CEP128: variants seen among roughly 807,000 people sequenced by gnomAD.
The protein encoded by CEP128 is centrosomal protein 128, also known as centrosomal protein 128kDa.
CEP128 carries 132 observed loss-of-function variants against 156.7 expected under a neutral mutation model. The ratio of observed to expected loss-of-function variants is 0.84; its 90% CI spans 0.73 to 0.97. CEP128 has a LOEUF of 0.97. CEP128 is among the 50% of genes least tolerant of loss of function. The pLI is 0.00. For synonymous variants in CEP128, 469 were observed against 448.9 expected (o/e 1.04, Z -0.57); for missense variants, 1,252 against 1,281.9 (o/e 0.98, Z 0.36).
chr14:80,820,756 T>C (rs1475145151), intron 13 of CEP128, among the ~76,000 whole-genome samples: 16 of 152,208 alleles, frequency 1.1e-4, no homozygotes, highest in Non-Finnish European at 2.9e-5. Context: ...CAGTATAAGG[T>C]TTACACTACA....
intron 16 of CEP128, among the ~76,000 whole-genome samples, chr14:80,769,891 CA>C (rs1161806667): frequency 6.6e-6 from 1 of 152,028 alleles, no homozygotes; most frequent in African/African-American, 2.4e-5. Context: ...TAGGGTCAAC[CA>C]AAGCCAGCTA....
rs2140159740 is a variant in CEP128 at position 80,862,749 on chromosome 14, T to C, written c.762+8A>G. ...GATTTACATTCCATGAAAGTGTTTT[T>C]CACAAACCTCCTGTAGCTGCAGGGA... On this transcript the variant is annotated splice_region_variant and intron_variant, in intron 9 of 24. Transcript: ENST00000555265. 1 of 1,577,076 alleles carries C rather than the reference T, an allele frequency of 6.3e-7. No individual in the cohort carries two copies.
intron 23 of CEP128, among the ~76,000 whole-genome samples, chr14:80,510,847 T>G (rs1028379953): frequency 6.6e-6 from 1 of 152,076 alleles, no homozygotes; most frequent in African/African-American, 2.4e-5. Flanking sequence ...CAAATGCTTT[T>G]TCAATATCAA....
chr14:80,931,818 A>C (rs1167354115), intron 2 of CEP128, among the ~76,000 whole-genome samples: 1 of 152,248 alleles, frequency 6.6e-6, no homozygotes, highest in Non-Finnish European at 1.5e-5. Flanking sequence ...ATATTAGCAG[A>C]GATTTTGAAA....
chr14:80,781,841 G>T (rs1901137456), intron 15 of CEP128, among the ~76,000 whole-genome samples: 1 of 152,154 alleles, frequency 6.6e-6, no homozygotes, highest in South Asian at 2.1e-4. Context: ...GAGAATTATG[G>T]CCTTACAGAG....
At chr14:80,558,552 T>C (rs1890536166) in intron 21 of CEP128, among the ~76,000 whole-genome samples, 1 of 152,082 alleles carries the variant, frequency 6.6e-6, no homozygotes, top group African/African-American at 2.4e-5. Flanking sequence ...CCTCCCAAAG[T>C]GCTGGGATTA....
At chr14:80,883,208 A>T (rs897423951) in intron 8 of CEP128, among the ~76,000 whole-genome samples, 6 of 152,218 alleles carry the variant, frequency 3.9e-5, no homozygotes, top group African/African-American at 4.8e-5. Context: ...TAAATAAAAA[A>T]TTTTTTAAAA....
At chr14:80,574,900 T>A (rs1891292843) in intron 20 of CEP128, among the ~76,000 whole-genome samples, 1 of 152,020 alleles carries the variant, frequency 6.6e-6, no homozygotes, top group Non-Finnish European at 1.5e-5. Context: ...ACCCTTCAAC[T>A]GGGAGATTCC....
At chr14:80,679,250 C>T (rs1238030502) in intron 19 of CEP128, among the ~76,000 whole-genome samples, 2 of 152,190 alleles carry the variant, frequency 1.3e-5, no homozygotes, top group Admixed American at 1.3e-4. Context: ...CAAGGGAAGA[C>T]AACCATAAGG....
At chr14:80,580,985 A>T (rs899580830) in intron 19 of CEP128, among the ~76,000 whole-genome samples, 4 of 152,244 alleles carry the variant, frequency 2.6e-5, no homozygotes, top group African/African-American at 9.6e-5. Context: ...AGAGGGTGGG[A>T]TGCATTGAAG....
chr14:80,671,831 T>C (rs1595187399), intron 19 of CEP128, among the ~76,000 whole-genome samples: 2 of 138,978 alleles, frequency 1.4e-5, no homozygotes, highest in South Asian at 2.2e-4. Flanking sequence ...TGTCTATATA[T>C]AGTAAACTGT....
At chr14:80,589,655 T>G (rs1467321116) in intron 19 of CEP128, among the ~76,000 whole-genome samples, 1 of 152,130 alleles carries the variant, frequency 6.6e-6, no homozygotes, top group East Asian at 1.9e-4. Flanking sequence ...ACTTCGCACC[T>G]ATGCTGGAGT....
chr14:80,852,040 C>G lies in CEP128; in HGVS notation c.762+10717G>C, dbSNP rs187450133. Among the ~76,000 whole-genome samples, 373 of 151,954 alleles carry G rather than the reference C, an allele frequency of 2.5e-3. 1 individual carries two copies. Among genetic ancestry groups the G allele is most frequent in the Middle Eastern group, 3.4e-3 (1 of 294 alleles). On this transcript the variant is annotated intron_variant, in intron 9 of 24. Coordinates refer to ENST00000555265, the MANE Select transcript of CEP128 (RefSeq NM_152446.5). Reference sequence around the variant, plus strand: ...TATATGTACTAAGAAAACAGAAGAACAGAACAACAAAATTCACAAATGACC... The same window carrying G: ...TATATGTACTAAGAAAACAGAAGAAGAGAACAACAAAATTCACAAATGACC...
chr14:80,663,173 C>T (rs1002757834), intron 19 of CEP128, among the ~76,000 whole-genome samples: 7 of 152,166 alleles, frequency 4.6e-5, no homozygotes, highest in Non-Finnish European at 8.8e-5. Context: ...AGGATATTGT[C>T]AGCCTCATGT....
chr14:80,480,816 AG>A (rs1217854773), intron 14 of CEP128, among the ~76,000 whole-genome samples: 1 of 152,154 alleles, frequency 6.6e-6, no homozygotes, highest in Non-Finnish European at 1.5e-5. Flanking sequence ...TCTCTAGGAC[AG>A]GGGCAAAATG....
chr14:80,507,613 G>A (rs1055917395), intron 23 of CEP128, among the ~76,000 whole-genome samples: 1 of 152,154 alleles, frequency 6.6e-6, no homozygotes, highest in Non-Finnish European at 1.5e-5. Context: ...CCCACTAAAA[G>A]ATGCTTTGAT....
intron 23 of CEP128, among the ~76,000 whole-genome samples, chr14:80,508,377 G>A (rs963918224): frequency 6.6e-6 from 1 of 152,020 alleles, no homozygotes; most frequent in Admixed American, 6.5e-5. Flanking sequence ...ATAATTTAAG[G>A]ATACATTTTC....
chr14:80,588,957 G>T (rs1306495626), intron 19 of CEP128, among the ~76,000 whole-genome samples: 1 of 152,080 alleles, frequency 6.6e-6, no homozygotes, highest in African/African-American at 2.4e-5. Context: ...AAGTAGCCAT[G>T]AGGAAGAAAA....
chr14:80,768,433 A>T (rs1179033233), intron 16 of CEP128, among the ~76,000 whole-genome samples: 3 of 152,196 alleles, frequency 2.0e-5, no homozygotes, highest in Non-Finnish European at 4.4e-5. Flanking sequence ...AAGCAAAGGA[A>T]CACTATGATT....
Sources: gnomAD v4.1 joint callset for allele counts (sites outside exome capture counted in the v4.1 genomes callset) on GRCh38, gnomAD v4.1.1 for gene constraint, MANE v1.5 for transcripts, NCBI Gene and HGNC (gene_info 2026-07-23, HGNC 2026-07-21) for gene names.